The following ACOT1 variants were observed in gnomAD, a reference collection of about 807,000 sequenced individuals.
ACOT1 encodes the protein acyl-CoA thioesterase 1.
A neutral mutation model predicts 15.7 loss-of-function variants in ACOT1; 8 were observed. The ratio of observed to expected loss-of-function variants is 0.51; its 90% CI spans 0.30 to 0.92. The LOEUF is 0.92. Ranked by LOEUF, ACOT1 falls within the 40% of genes least tolerant of loss-of-function variation. ACOT1 has a pLI of 0.06. For synonymous variants in ACOT1, 67 were observed against 241.2 expected (o/e 0.28, Z 6.69); for missense variants, 151 against 539.4 (o/e 0.28, Z 7.13).
the ACOT1 span, among the ~76,000 whole-genome samples, chr14:73,524,041 AG>A: frequency 4.6e-5 from 7 of 152,122 alleles, no homozygotes; most frequent in Admixed American, 3.3e-4. Flanking sequence ...CTGTAATCCC[AG>A]CACTTTGGGA....
chr14:73,514,624 GTA>G, the ACOT1 span, among the ~76,000 whole-genome samples: 1 of 152,128 alleles, frequency 6.6e-6, no homozygotes. Context: ...TATTTCTAAA[GTA>G]TTAAGTTTTC....
chr14:73,509,705 C>A, the ACOT1 span, among the ~76,000 whole-genome samples: 1 of 149,966 alleles, frequency 6.7e-6, no homozygotes. Context: ...ATCATCTGGC[C>A]TCTAAACAGC....
At chr14:73,542,368 T>C (rs1889115416) in intron 2 of ACOT1, among the ~76,000 whole-genome samples, 1 of 109,686 alleles carries the variant, frequency 9.1e-6, no homozygotes, top group Admixed American at 1.0e-4. Flanking sequence ...GTAGTTGGTA[T>C]TATGCAATTT....
the ACOT1 span, chr14:73,522,985 A>G: frequency 6.2e-6 from 10 of 1,614,180 alleles, no homozygotes; most frequent in Non-Finnish European, 8.5e-6. Flanking sequence ...TGCGGTGTAG[A>G]CGGTACTGTG....
chr14:73,515,285 T>C, the ACOT1 span, among the ~76,000 whole-genome samples: 3 of 152,196 alleles, frequency 2.0e-5, no homozygotes, highest in East Asian at 1.9e-4. Context: ...TCTGTTTTTT[T>C]CCAAGATTTC....
chr14:73,517,138 G>A, the ACOT1 span: 1 of 152,154 alleles, frequency 6.6e-6, no homozygotes, highest in Admixed American at 6.5e-5. Context: ...AATTAGCTGA[G>A]TGTAGGGTGC....
At chr14:73,510,759 C>T in the ACOT1 span, among the ~76,000 whole-genome samples, 1 of 152,092 alleles carries the variant, frequency 6.6e-6, no homozygotes, top group Non-Finnish European at 1.5e-5. Flanking sequence ...TTGAGGCTGT[C>T]TTGAGCATTC....
chr14:73,524,308 AAAATATATAT>A, the ACOT1 span, among the ~76,000 whole-genome samples: 4 of 83,586 alleles, frequency 4.8e-5, no homozygotes, highest in African/African-American at 2.5e-4. Context: ...AAAAAAAAAA[AAAATATATAT>A]ATATATATAT....
the ACOT1 span, among the ~76,000 whole-genome samples, chr14:73,513,727 C>CAAAA: frequency 3.8e-5 from 1 of 26,576 alleles, no homozygotes; most frequent in Non-Finnish European, 6.4e-5. Context: ...AACTACGTCT[C>CAAAA]CAAAAAAAAA....
At chr14:73,517,774 A>G in the ACOT1 span, among the ~76,000 whole-genome samples, 1 of 150,740 alleles carries the variant, frequency 6.6e-6, no homozygotes, top group Non-Finnish European at 1.5e-5. Context: ...AAGGAAGGAA[A>G]AAAAGGAAGG....
the ACOT1 span, among the ~76,000 whole-genome samples, chr14:73,518,195 C>A: frequency 6.6e-6 from 1 of 152,148 alleles, no homozygotes; most frequent in African/African-American, 2.4e-5. Flanking sequence ...AGACTGAGCC[C>A]AGGGAAGGAC....
the ACOT1 span, among the ~76,000 whole-genome samples, chr14:73,519,352 A>C: frequency 6.6e-6 from 1 of 152,064 alleles, no homozygotes; most frequent in Non-Finnish European, 1.5e-5. Flanking sequence ...GTGATAAATC[A>C]CTATAGTGTC....
At chr14:73,521,687 C>A in the ACOT1 span, among the ~76,000 whole-genome samples, 1 of 152,192 alleles carries the variant, frequency 6.6e-6, no homozygotes, top group African/African-American at 2.4e-5. Context: ...ATGTAGTCAT[C>A]TTCTTCTCTC....
At chr14:73,522,558 C>T in the ACOT1 span, 1 of 1,614,160 alleles carries the variant, frequency 6.2e-7, no homozygotes, top group South Asian at 1.1e-5. Flanking sequence ...CACGCTCTGG[C>T]CTCCTTCTCA....
chr14:73,498,417 G>C, the ACOT1 span: 10 of 1,367,118 alleles, frequency 7.3e-6, no homozygotes, highest in Non-Finnish European at 9.9e-6. Context: ...AATAAATTGA[G>C]TTTTGCAAAC....
chr14:73,496,456 AAAT>A, the ACOT1 span: 1 of 595,700 alleles, frequency 1.7e-6, no homozygotes, highest in Non-Finnish European at 3.0e-6. Flanking sequence ...TTGCATCTTC[AAAT>A]GATGTGGCAT....
At chr14:73,498,455 C>T in the ACOT1 span, 1 of 940,220 alleles carries the variant, frequency 1.1e-6, no homozygotes. Flanking sequence ...ATGGTAATCA[C>T]CATTAGAATT....
the ACOT1 span, among the ~76,000 whole-genome samples, chr14:73,506,804 G>GTTTTTTTTTTGTTTTTTT: frequency 6.2e-5 from 5 of 80,524 alleles, no homozygotes; most frequent in African/African-American, 9.8e-5. Flanking sequence ...GACTTTAACT[G>GTTTTTTTTTTGTTTTTTT]TTTTTTTTTT....
chr14:73,537,723 C>T lies in ACOT1; in HGVS notation c.302C>T (p.Pro101Leu), dbSNP rs552821252. 2.5e-5 allele frequency: 31 copies of T among 1,245,970 alleles called. 9 individuals carry two copies. The highest frequency in any genetic ancestry group is 2.5e-4 in the South Asian group (18 of 72,730). The allele number at this position is 1,245,970 out of a possible 1,614,324, so 77.2% of individuals were successfully genotyped here. A position where few individuals can be genotyped will look rare whatever the true frequency, so the allele number is the denominator to read the frequency against. The change falls in exon 1 of 3, where the codon CCC (proline) becomes CTC (leucine). Residue 101 changes from proline (P) to leucine (L), a missense_variant. Coordinates refer to ENST00000311148, the MANE Select transcript of ACOT1 (RefSeq NM_001037161.2). ...CTGGTGAAGCGCGACGTGCGAACGC[C>T]CTTGGCCGTGGAGCTGGAGGTGCTG... ...VRLVKRDVRT[P>L]LAVELEVLDG...
Sources: allele counts gnomAD v4.1 joint callset (sites outside exome capture counted in the v4.1 genomes callset), GRCh38; gene constraint gnomAD v4.1.1; transcripts MANE v1.5; gene names NCBI Gene and HGNC (gene_info 2026-07-23, HGNC 2026-07-21).